Variants in KIF16B observed in about 807,000 individuals in gnomAD.
The protein encoded by KIF16B is kinesin-like protein KIF16B.
A neutral mutation model predicts 156.3 loss-of-function variants in KIF16B; 98 were observed. The ratio of observed to expected loss-of-function variants is 0.63; its 90% CI spans 0.53 to 0.74. The LOEUF is 0.74. Among genes scored for constraint, KIF16B ranks in the 30% least tolerant of loss-of-function variants. The pLI is 0.00. For missense variants in KIF16B, 1,421 were observed against 1,606.5 expected (o/e 0.88, Z 1.97); for synonymous variants, 564 against 583.7 (o/e 0.97, Z 0.49).
chr20:16,295,805 C>T (rs1372210734), intron 25 of KIF16B, among the ~76,000 whole-genome samples: 1 of 152,146 alleles, frequency 6.6e-6, no homozygotes, highest in Non-Finnish European at 1.5e-5. Flanking sequence ...AAATGAGCAG[C>T]TACAGCTGAA....
In KIF16B at chr20:16,552,651, A is replaced by C. The variant is rs182563209; in HGVS notation, c.47+20578T>G. 2.2e-4 allele frequency among the ~76,000 whole-genome samples: 33 copies of C among 152,274 alleles called. No individual in the cohort carries two copies. In the East Asian group the frequency reaches 6.4e-3, roughly 29 times the overall value. On this transcript the variant is annotated intron_variant, in intron 1 of 25. Coordinates refer to ENST00000354981, the MANE Select transcript of KIF16B (RefSeq NM_024704.5). ...CACTGTATCCTGACACGCAGCCCAG[A>C]GGTTTTTAAAGGTCTTGGGGGGCTC...
intron 25 of KIF16B, among the ~76,000 whole-genome samples, chr20:16,282,753 C>T (rs965673690): frequency 2.0e-5 from 3 of 152,228 alleles, no homozygotes; most frequent in African/African-American, 7.2e-5. Flanking sequence ...TGGACCTGGG[C>T]TCTGCCAGTC....
chr20:16,397,981 T>C (rs2065554026), intron 17 of KIF16B, among the ~76,000 whole-genome samples: 1 of 152,192 alleles, frequency 6.6e-6, no homozygotes, highest in Non-Finnish European at 1.5e-5. Context: ...CAGAGATAAA[T>C]GAAGCATAGT....
chr20:16,288,204 C>T (rs2063254725), intron 25 of KIF16B, among the ~76,000 whole-genome samples: 1 of 152,196 alleles, frequency 6.6e-6, no homozygotes, highest in Admixed American at 6.5e-5. Context: ...AGCTACCATG[C>T]TGGGCACAAA....
Position 16,404,869 on chromosome 20 carries a change from C to A in KIF16B, c.1728G>T (p.Met576Ile). ...TCTCACGGGACTTCGAGAGGTCGGT[C>A]ATGGACAAGCTGAAGGAGGACAGAA... ...SGLLSSFSLS[M>I]TDLSKSRENL... is the part of the protein sequence containing the mutation. The change falls in exon 17 of 26, where the codon ATG becomes ATT. Residue 576 changes from methionine (M) to isoleucine (I), a missense_variant. Coordinates refer to ENST00000354981, the MANE Select transcript of KIF16B (RefSeq NM_024704.5). The A allele has an allele frequency of 6.2e-7, 1 of 1,613,408 alleles. No homozygotes were observed. Among genetic ancestry groups the A allele is most frequent in the South Asian group, 1.1e-5 (1 of 90,992 alleles).
At chr20:16,553,839 AGCAGACAGG>A (rs2070751542) in intron 1 of KIF16B, among the ~76,000 whole-genome samples, 1 of 150,394 alleles carries the variant, frequency 6.6e-6, no homozygotes, top group Non-Finnish European at 1.5e-5. Context: ...AGCAGACAGG[AGCAGACAGG>A]AGCAGACAGG....
chr20:16,486,974 C>G (rs2068134750), intron 12 of KIF16B, among the ~76,000 whole-genome samples: 1 of 152,080 alleles, frequency 6.6e-6, no homozygotes, highest in African/African-American at 2.4e-5. Flanking sequence ...TGCATTTAGG[C>G]CAGGCACCAT....
chr20:16,399,535 T>C (rs545284750), intron 17 of KIF16B, among the ~76,000 whole-genome samples: 2 of 152,216 alleles, frequency 1.3e-5, no homozygotes, highest in East Asian at 1.9e-4. Context: ...GCTGTGAACA[T>C]CTATTTTATT....
chr20:16,279,164 C>G (rs1218396595), intron 25 of KIF16B, among the ~76,000 whole-genome samples: 2 of 152,116 alleles, frequency 1.3e-5, no homozygotes, highest in Non-Finnish European at 2.9e-5. Context: ...GAAGAAACAC[C>G]TTTCCCCTCT....
At chr20:16,447,695 G>A (rs1428128700) in intron 12 of KIF16B, among the ~76,000 whole-genome samples, 1 of 152,114 alleles carries the variant, frequency 6.6e-6, no homozygotes, top group African/African-American at 2.4e-5. Context: ...AAAGCCATAA[G>A]CAGCTGTTTC....
chr20:16,338,168 C>A (rs2064074724), intron 23 of KIF16B, among the ~76,000 whole-genome samples: 1 of 152,168 alleles, frequency 6.6e-6, no homozygotes, highest in Non-Finnish European at 1.5e-5. Context: ...TAACTGAAAC[C>A]CGGCTCTCCC....
chr20:16,457,838 C>T (rs981592746), intron 12 of KIF16B, among the ~76,000 whole-genome samples: 2 of 151,858 alleles, frequency 1.3e-5, no homozygotes, highest in Non-Finnish European at 2.9e-5. Context: ...GCCACGCCGG[C>T]ACACTGGTCC....
rs1161538990 is a variant in KIF16B at position 16,411,963 on chromosome 20, T to TGTGTGTGTGC, written c.1613-5508_1613-5507insGCACACACAC. 1.3e-4 allele frequency among the ~76,000 whole-genome samples: 19 copies of TGTGTGTGTGC among 151,264 alleles called. No individual in the cohort carries two copies. In the South Asian group the frequency reaches 4.1e-3, roughly 32 times the overall value. Reference sequence around the variant, plus strand: ...GTGTGTGTGTGTGTGTGTGTGTGTGTGTGTGTGTGACTCATTGCTAATAAA... The same window carrying TGTGTGTGTGC: ...GTGTGTGTGTGTGTGTGTGTGTGTGTGTGTGTGTGCGTGTGTGTGACTCATTGCTAATAAA... On this transcript the variant is annotated intron_variant, in intron 15 of 25. Transcript: ENST00000354981.
intron 23 of KIF16B, among the ~76,000 whole-genome samples, chr20:16,352,749 G>T (rs530341835): frequency 6.6e-6 from 1 of 152,218 alleles, no homozygotes; most frequent in Admixed American, 6.5e-5. Flanking sequence ...TGAGGAGGGC[G>T]AGGGGAAGAT....
intron 17 of KIF16B, among the ~76,000 whole-genome samples, chr20:16,402,405 G>C (rs981295447): frequency 3.3e-5 from 5 of 152,172 alleles, no homozygotes; most frequent in Admixed American, 6.5e-5. Context: ...CTAGAATCCT[G>C]ACTGGTTCAT....
intron 8 of KIF16B, 45 bp from the exon 9 acceptor site, chr20:16,505,898 A>T (rs1600569927): frequency 3.1e-6 from 5 of 1,606,888 alleles, no homozygotes; most frequent in Non-Finnish European, 4.2e-6. Flanking sequence ...AATTAGTAAA[A>T]TTTTTTTTCC....
chr20:16,354,926 A>C (rs767124864), intron 23 of KIF16B, among the ~76,000 whole-genome samples: 5 of 152,044 alleles, frequency 3.3e-5, no homozygotes, highest in Non-Finnish European at 2.9e-5. Flanking sequence ...AGCCTGGGCA[A>C]CAGAGTGAGA....
chr20:16,484,020 C>G (rs889259554), intron 12 of KIF16B, among the ~76,000 whole-genome samples: 2 of 152,174 alleles, frequency 1.3e-5, no homozygotes, highest in Non-Finnish European at 2.9e-5. Context: ...TATGACCAAT[C>G]TTTTCCTCTC....
intron 1 of KIF16B, among the ~76,000 whole-genome samples, chr20:16,540,584 C>A (rs1393003013): frequency 2.6e-5 from 4 of 152,142 alleles, no homozygotes; most frequent in Non-Finnish European, 5.9e-5. Flanking sequence ...TCCCATGGTA[C>A]TGAGTATCCT....
Sources: gnomAD v4.1 joint callset for allele counts (sites outside exome capture counted in the v4.1 genomes callset) on GRCh38, gnomAD v4.1.1 for gene constraint, MANE v1.5 for transcripts, NCBI Gene and HGNC (gene_info 2026-07-23, HGNC 2026-07-21) for gene names.